NPAT: variants seen among roughly 807,000 people sequenced by gnomAD.
NPAT encodes the protein protein NPAT.
A neutral mutation model predicts 130.7 loss-of-function variants in NPAT; 52 were observed. The ratio of observed to expected loss-of-function variants is 0.40; its 90% CI spans 0.32 to 0.50. The LOEUF is 0.50. Ranked by LOEUF, NPAT falls within the 20% of genes least tolerant of loss-of-function variation. The pLI is 0.68. For missense variants in NPAT, 1,687 were observed against 1,662.6 expected (o/e 1.01, Z -0.26); for synonymous variants, 580 against 584.8 (o/e 0.99, Z 0.12).
chr11:108,212,817 T>C (rs1458751269), intron 1 of NPAT, among the ~76,000 whole-genome samples: 3 of 149,660 alleles, frequency 2.0e-5, no homozygotes, highest in Admixed American at 1.3e-4. Flanking sequence ...CATGGTGGTG[T>C]CCACCTTAAT....
Position 108,161,460 on chromosome 11 carries a change from T to C in NPAT, c.3626A>G (p.Lys1209Arg), listed in dbSNP as rs755840288. ...KSIASLQEMT[K>R]KQGTSSNNKN... ...ATTGTTTGAAGATGTGCCTTGTTTT[T>C]TGGTCATTTCTTGCAGTGAAGCTAT... The change falls in exon 17 of 18, where the codon AAA becomes AGA. Residue 1209 changes from lysine to arginine, a missense_variant. Around this residue, in one of 3 missense-constraint regions of NPAT, gnomAD observed 1,379 missense variants for 1,346.6 expected, o/e 1.02. Transcript: ENST00000278612. 2.5e-6 allele frequency: 4 copies of C among 1,614,256 alleles called. No individual in the cohort carries two copies. The highest frequency in any genetic ancestry group is 2.2e-5 in the East Asian group (1 of 44,894).
intron 10 of NPAT, among the ~76,000 whole-genome samples, chr11:108,184,344 C>T (rs188615255): frequency 0.016 from 2,481 of 150,820 alleles, 59 homozygotes; most frequent in African/African-American, 0.057. Context: ...TGGTGGTGGG[C>T]GCCTGTAGTC....
At position 108,158,877 on chromosome 11, in the gene NPAT, T is replaced by C. The variant is rs2077820010; in HGVS notation, c.*65A>G. 2.2e-6 allele frequency: 2 copies of C among 917,808 alleles called. No individual in the cohort carries two copies. Among genetic ancestry groups the C allele is most frequent in the Admixed American group, 3.4e-5 (2 of 58,060 alleles). The allele number at this position is 917,808 out of a possible 1,614,324, so 56.9% of individuals were successfully genotyped here. A position where few individuals can be genotyped will look rare whatever the true frequency, so the allele number is the denominator to read the frequency against. ...GCTTTCAGATTCTGTCAATATCCCA[T>C]TCCCTACACTCAGTTTAAGGGATAT... On this transcript the variant is annotated 3_prime_UTR_variant, in exon 18 of 18. Transcript: ENST00000278612.
chr11:108,191,376 GCCCACC>G (rs1055316188), intron 4 of NPAT, among the ~76,000 whole-genome samples: 59 of 152,208 alleles, frequency 3.9e-4, no homozygotes, highest in African/African-American at 1.2e-3. Flanking sequence ...AATTAGAGTG[GCCCACC>G]CCTTTATTCG....
chr11:108,193,837 G>C, intron 3 of NPAT, 120 bp downstream of exon 3: 1 of 653,974 alleles, frequency 1.5e-6, no homozygotes, highest in Non-Finnish European at 2.7e-6. Flanking sequence ...CATTACAACA[G>C]GGACAAGTTT....
rs1591388976 is a variant in NPAT, at chr11:108,171,123, G to C, written c.2785+1076C>G. ...GCCACAAGAGCCCCTATGAAAAAAG[G>C]ATTTTTTTTTTTTTTTTTTTTTTTG... is the stretch of plus-strand genomic sequence containing the variant. On this transcript the variant is annotated intron_variant, in intron 13 of 17. Transcript: ENST00000278612. 2.3e-5 allele frequency: 3 copies of C among 130,814 alleles called. No individual in the cohort carries two copies. The South Asian group carries it at 8.0e-4, about 35-fold the overall frequency. 8.1% of individuals were successfully genotyped at this position (130,814 alleles called of 1,614,324 possible). A position where few individuals can be genotyped will look rare whatever the true frequency, so the allele number is the denominator to read the frequency against.
intron 1 of NPAT, among the ~76,000 whole-genome samples, chr11:108,213,733 C>T (rs1457508820): frequency 1.3e-5 from 2 of 152,174 alleles, no homozygotes; most frequent in African/African-American, 4.8e-5. Context: ...GAAGCACTTA[C>T]ACTTACCAAT....
rs557748048 is a variant in NPAT, at chr11:108,217,764, G to A, written c.37+4736C>T. 7.2e-5 allele frequency among the ~76,000 whole-genome samples: 11 copies of A among 152,204 alleles called. No homozygotes were observed. In the South Asian group the frequency reaches 8.3e-4, roughly 11 times the overall value. ...TCCCAGCACTTTGGGAGGCCGAGGC[G>A]CATGGATCACTTGAGGTCAGGAGTT... On this transcript the variant is annotated intron_variant, in intron 1 of 17. Transcript: ENST00000278612.
In NPAT at chr11:108,197,307, A is replaced by G. The variant is rs570632009; in HGVS notation, c.151T>C (p.Leu51=). The part of the protein sequence containing the change: ...CTDEGFIPAC[L]LSLFGKNLTT... ...TTAAGGAACAAATAACTCACCAGTA[A>G]GCAGGCTGGAATAAACCCTTCATCT... Residue 51 remains leucine, a synonymous_variant, in exon 2 of 18, where the codon TTA becomes CTA. Transcript: ENST00000278612. The G allele has an allele frequency of 5.7e-6, 9 of 1,576,914 alleles. No individual in the cohort carries two copies. The South Asian group carries it at 7.8e-5, about 14-fold the overall frequency.
chr11:108,161,013 T>C lies in NPAT; in HGVS notation c.4073A>G (p.Gln1358Arg). 1 of 1,614,174 alleles carries C rather than the reference T, an allele frequency of 6.2e-7. No individual in the cohort carries two copies. Among genetic ancestry groups the C allele is most frequent in the Non-Finnish European group, 8.5e-7 (1 of 1,180,026 alleles). Residue 1358 changes from glutamine (Q) to arginine (R), a missense_variant, in exon 17 of 18, where the codon CAG (glutamine) becomes CGG (arginine). Coordinates refer to ENST00000278612, the MANE Select transcript of NPAT (RefSeq NM_002519.3). ...GGTGCTCCTTGAAGATGCTCTAAAC[T>C]GTTGTGTGTTATCTTTCAGAGGAGT... ...SATPLKDNTQ[Q>R]FRASSRSTTK...
intron 1 of NPAT, among the ~76,000 whole-genome samples, chr11:108,201,927 AGACTG>A (rs2078278578): frequency 6.6e-6 from 1 of 152,178 alleles, no homozygotes; most frequent in Admixed American, 6.5e-5. Context: ...TAGAGAACCC[AGACTG>A]GACTCTCTTT....
chr11:108,161,147 C>T lies in NPAT; in HGVS notation c.3939G>A (p.Leu1313=), dbSNP rs1197109556. The T allele has an allele frequency of 6.2e-7, 1 of 1,614,038 alleles. No individual in the cohort carries two copies. Among genetic ancestry groups the T allele is most frequent in the African/African-American group, 1.3e-5 (1 of 74,928 alleles). The part of the protein sequence containing the change: ...KVMVPPVTPD[L]PACSPASETG... ...TTTCACTGGCAGGGCTGCAGGCAGG[C>T]AAGTCTGGGGTGACAGGAGGGACCA... Residue 1313 remains leucine (L), a synonymous_variant, in exon 17 of 18, where the codon TTG becomes TTA. Transcript: ENST00000278612.
intron 1 of NPAT, among the ~76,000 whole-genome samples, chr11:108,201,942 T>C (rs577207034): frequency 6.6e-6 from 1 of 152,250 alleles, no homozygotes; most frequent in Non-Finnish European, 1.5e-5. Flanking sequence ...GGACTCTCTT[T>C]ACAGATGGAA....
intron 15 of NPAT, among the ~76,000 whole-genome samples, chr11:108,165,495 T>TG (rs2077894121): frequency 6.7e-6 from 1 of 148,554 alleles, no homozygotes; most frequent in Admixed American, 6.7e-5. Flanking sequence ...GATAGGGTCT[T>TG]GCTCTATTGC....
chr11:108,210,287 T>C (rs1339059195), intron 1 of NPAT, among the ~76,000 whole-genome samples: 1 of 152,162 alleles, frequency 6.6e-6, no homozygotes, highest in Non-Finnish European at 1.5e-5. Context: ...CACCTTGAAT[T>C]GTAATCCCCA....
In NPAT at chr11:108,172,044, T is replaced by C. The variant is rs2077956332; in HGVS notation, c.2785+155A>G. 5 of 669,028 alleles carry C rather than the reference T, an allele frequency of 7.5e-6. No homozygotes were observed. The South Asian group carries it at 8.9e-5, about 12-fold the overall frequency. 41.4% of individuals were successfully genotyped at this position (669,028 alleles called of 1,614,324 possible). ...TAAGAAAAATAAAAAAGGTTTGAAT[T>C]AGCTAGCATAAAGAAGCAGCGTAAT... On this transcript the variant is annotated intron_variant, in intron 13 of 17. Transcript: ENST00000278612.
At chr11:108,200,268 C>T (rs1290933323) in intron 1 of NPAT, among the ~76,000 whole-genome samples, 1 of 152,176 alleles carries the variant, frequency 6.6e-6, no homozygotes, top group Non-Finnish European at 1.5e-5. Context: ...TAGGCCAGGC[C>T]TCCCCTTCCT....
At chr11:108,164,025 G>C (rs1248198062) in intron 15 of NPAT, among the ~76,000 whole-genome samples, 1 of 152,170 alleles carries the variant, frequency 6.6e-6, no homozygotes, top group Admixed American at 6.5e-5. Flanking sequence ...ATTAACCTTA[G>C]AAAGAATGAA....
At position 108,178,060 on chromosome 11, in the gene NPAT, T is replaced by C. The variant is rs140437032; in HGVS notation, c.907-970A>G. ...CTATAATCTACTTTCTTTACATTAC[T>C]CTATTGTAGACTGCTTTATAGGTCC... is the stretch of plus-strand genomic sequence containing the variant. On this transcript the variant is annotated intron_variant, in intron 10 of 17. Coordinates refer to ENST00000278612, the MANE Select transcript of NPAT (RefSeq NM_002519.3). Among the ~76,000 whole-genome samples, 88 of 152,340 alleles carry C rather than the reference T, an allele frequency of 5.8e-4. 1 individual carries two copies. The highest frequency in any genetic ancestry group is 1.9e-3 in the African/African-American group (78 of 41,586).
Sources: allele counts gnomAD v4.1 joint callset (sites outside exome capture counted in the v4.1 genomes callset), GRCh38; gene constraint gnomAD v4.1.1; regional missense constraint gnomAD v4.1.1; transcripts MANE v1.5; gene names NCBI Gene and HGNC (gene_info 2026-07-23, HGNC 2026-07-21).